PTPRT: variants seen among roughly 807,000 people sequenced by gnomAD.
The protein encoded by PTPRT is protein tyrosine phosphatase receptor type T, also known as receptor-type tyrosine-protein phosphatase T.
In PTPRT, 56 loss-of-function variants were observed where a neutral mutation model predicts 176.8. That is an observed-to-expected ratio of 0.32 (90% CI 0.26 to 0.40). The LOEUF (loss-of-function observed/expected upper bound fraction) is 0.40. Among genes scored for constraint, PTPRT ranks in the 10% least tolerant of loss-of-function variants. The pLI is 1.00. For missense variants in PTPRT, 1,540 were observed against 1,908.2 expected, an observed-to-expected ratio of 0.81 and a Z score of 3.60; for synonymous variants, 783 against 739.0, an observed-to-expected ratio of 1.06 and a Z score of -0.96.
intron 1 of PTPRT, among the ~76,000 whole-genome samples, chr20:43,185,599 TA>T (rs1366844508): frequency 1.3e-5 from 2 of 152,270 alleles, no homozygotes; most frequent in South Asian, 2.1e-4. Flanking sequence ...AATCTCTTTG[TA>T]AAAGCAGTTG....
chr20:42,511,893 C>T (rs1363397564), intron 7 of PTPRT, among the ~76,000 whole-genome samples: 1 of 152,076 alleles, frequency 6.6e-6, no homozygotes. Flanking sequence ...CTTTTCTTAA[C>T]TTAGAACGTA....
At chr20:42,451,231 T>C (rs987680794) in intron 8 of PTPRT, among the ~76,000 whole-genome samples, 2 of 152,042 alleles carry the variant, frequency 1.3e-5, no homozygotes, top group Non-Finnish European at 2.9e-5. Flanking sequence ...TGGTGATAGA[T>C]AAGGGTGAAG....
At chr20:42,605,113 G>T (rs539833480) in intron 7 of PTPRT, among the ~76,000 whole-genome samples, 1 of 152,320 alleles carries the variant, frequency 6.6e-6, no homozygotes, top group Admixed American at 6.5e-5. Flanking sequence ...ACAGGGAGAG[G>T]CACATGCAAG....
chr20:42,792,682 A>C (rs1034552030), intron 2 of PTPRT, among the ~76,000 whole-genome samples: 1 of 152,194 alleles, frequency 6.6e-6, no homozygotes, highest in Non-Finnish European at 1.5e-5. Flanking sequence ...TTCAAAAATA[A>C]ACCTTAAGAC....
intron 17 of PTPRT, among the ~76,000 whole-genome samples, chr20:42,147,859 T>A (rs1374981141): frequency 6.6e-6 from 1 of 151,722 alleles, no homozygotes; most frequent in Non-Finnish European, 1.5e-5. Flanking sequence ...TGGGAGGGAG[T>A]GGTAATGACC....
the PTPRT span, among the ~76,000 whole-genome samples, chr20:42,038,630 T>C: frequency 6.6e-6 from 1 of 152,224 alleles, no homozygotes; most frequent in Non-Finnish European, 1.5e-5. Context: ...ACATTAGACA[T>C]GCTACTCTTT....
chr20:42,904,188 T>G (rs2079444770), intron 1 of PTPRT, among the ~76,000 whole-genome samples: 1 of 151,844 alleles, frequency 6.6e-6, no homozygotes, highest in African/African-American at 2.4e-5. Context: ...CTACGCACAT[T>G]TTTTTTTAAT....
chr20:42,925,178 A>C (rs1979401633), intron 1 of PTPRT, among the ~76,000 whole-genome samples: 1 of 152,186 alleles, frequency 6.6e-6, no homozygotes, highest in African/African-American at 2.4e-5. Flanking sequence ...TCATGACACA[A>C]GCTTTTCCAA....
chr20:42,898,948 C>T (rs1324160605), intron 1 of PTPRT, among the ~76,000 whole-genome samples: 1 of 152,170 alleles, frequency 6.6e-6, no homozygotes, highest in African/African-American at 2.4e-5. Flanking sequence ...AGAGTCCAAC[C>T]AGCCTGAAAA....
intron 7 of PTPRT, among the ~76,000 whole-genome samples, chr20:42,624,725 A>G (rs1260046760): frequency 6.6e-6 from 1 of 152,208 alleles, no homozygotes; most frequent in Non-Finnish European, 1.5e-5. Flanking sequence ...GCAGCTGCAA[A>G]TCATAGTTAA....
chr20:42,792,095 G>A (rs2077384619), intron 2 of PTPRT, among the ~76,000 whole-genome samples: 1 of 152,200 alleles, frequency 6.6e-6, no homozygotes, highest in Non-Finnish European at 1.5e-5. Context: ...GCCCCCAGTA[G>A]CTGCTGCCCC....
chr20:42,650,870 A>T (rs893389021), intron 7 of PTPRT, among the ~76,000 whole-genome samples: 5 of 152,142 alleles, frequency 3.3e-5, no homozygotes, highest in Non-Finnish European at 7.3e-5. Context: ...ATGCAATTGG[A>T]TCTTATGTGT....
At chr20:42,687,820 G>A (rs1275871859) in intron 6 of PTPRT, 1 of 152,206 alleles carries the variant, frequency 6.6e-6, no homozygotes, top group Non-Finnish European at 1.5e-5. Context: ...TACACCCACA[G>A]GATGGTGAGA....
chr20:42,470,256 T>C lies in PTPRT; in HGVS notation c.1450+2010A>G, dbSNP rs114422700. Among the ~76,000 whole-genome samples the C allele has an allele frequency of 4.7e-3, 708 of 152,256 alleles. 6 individuals carry two copies. The highest frequency in any genetic ancestry group is 0.016 in the African/African-American group (680 of 41,552). ...GTTACTGAAATTTTACCTCTGAATC[T>C]CTCCTCCCCATCCCAGACCCTAACT... On this transcript the variant is annotated intron_variant, in intron 8 of 30. Coordinates refer to ENST00000373187, the MANE Select transcript of PTPRT (RefSeq NM_007050.6).
intron 13 of PTPRT, among the ~76,000 whole-genome samples, chr20:42,252,581 G>C (rs2056565010): frequency 6.6e-6 from 1 of 152,184 alleles, no homozygotes; most frequent in Admixed American, 6.5e-5. Flanking sequence ...TCAAAAAGGA[G>C]GGCATGATCA....
chr20:43,155,843 A>T lies in PTPRT; in HGVS notation c.88+33803T>A, dbSNP rs543790188. On this transcript the variant is annotated intron_variant, in intron 1 of 30. Transcript: ENST00000373187. ...AAAAAGAAATAAAACATTAAAATAA[A>T]TTTTTTTAATGTAAATTGGTTTCTC... is the stretch of plus-strand genomic sequence containing the variant. Among the ~76,000 whole-genome samples the T allele has an allele frequency of 7.2e-5, 11 of 152,302 alleles. No individual in the cohort carries two copies. The East Asian group carries it at 1.7e-3, about 24-fold the overall frequency.
chr20:42,943,024 A>G (rs1342604317), intron 1 of PTPRT, among the ~76,000 whole-genome samples: 3 of 152,226 alleles, frequency 2.0e-5, no homozygotes, highest in Non-Finnish European at 4.4e-5. Flanking sequence ...AGAAGGGCCA[A>G]TCGTTTGTTG....
In PTPRT at chr20:42,677,597, C is replaced by T. The variant is rs1273634234; in HGVS notation, c.1153+269G>A. Among the ~76,000 whole-genome samples the T allele has an allele frequency of 3.9e-5, 6 of 152,212 alleles. No individual in the cohort carries two copies. The East Asian group carries it at 1.2e-3, about 29-fold the overall frequency. ...TCAGAAACACTATTAGATCCAGGAA[C>T]CTCCCGTGACCCAGCTAAAGTCAGG... On this transcript the variant is annotated intron_variant, in intron 7 of 30. Transcript: ENST00000373187.
chr20:42,754,224 C>T (rs764282432), intron 6 of PTPRT, among the ~76,000 whole-genome samples: 12 of 152,128 alleles, frequency 7.9e-5, no homozygotes, highest in East Asian at 1.9e-4. Context: ...CTCGCTCAGC[C>T]GCCCAGGCTG....
Sources: gnomAD v4.1 joint callset for allele counts (sites outside exome capture counted in the v4.1 genomes callset) on GRCh38, gnomAD v4.1.1 for gene constraint, MANE v1.5 for transcripts, NCBI Gene and HGNC (gene_info 2026-07-23, HGNC 2026-07-21) for gene names.